Variants in RNGTT observed in about 807,000 individuals in gnomAD.
The protein encoded by RNGTT is mRNA-capping enzyme.
RNGTT carries 33 observed loss-of-function variants against 79.3 expected under a neutral mutation model. The observed-to-expected ratio is 0.42, with a 90% CI of 0.32 to 0.56. The LOEUF (loss-of-function observed/expected upper bound fraction) is 0.56. Among genes scored for constraint, RNGTT ranks in the 20% least tolerant of loss-of-function variants. The pLI, the probability that RNGTT is intolerant of heterozygous loss-of-function variation, is 0.17. For synonymous variants in RNGTT, 222 were observed against 235.9 expected (o/e 0.94, Z 0.54); for missense variants, 497 against 739.1 (o/e 0.67, Z 3.80).
chr6:88,663,142 C>T (rs1361868897), intron 14 of RNGTT, among the ~76,000 whole-genome samples: 1 of 152,054 alleles, frequency 6.6e-6, no homozygotes, highest in Non-Finnish European at 1.5e-5. Context: ...TTTTTCCCTT[C>T]CCCCTTTGTG....
chr6:88,680,703 T>C (rs775628870), intron 13 of RNGTT, among the ~76,000 whole-genome samples: 20 of 150,234 alleles, frequency 1.3e-4, no homozygotes, highest in African/African-American at 4.7e-4. Flanking sequence ...GATCACGCCA[T>C]TGCACTCCAG....
chr6:88,808,133 A>AT (rs756668793), intron 11 of RNGTT, among the ~76,000 whole-genome samples: 4 of 152,202 alleles, frequency 2.6e-5, no homozygotes, highest in Admixed American at 6.5e-5. Context: ...GGGCATTGGA[A>AT]TGGTTAAAAA....
At chr6:88,845,350 A>C (rs950307432) in intron 10 of RNGTT, among the ~76,000 whole-genome samples, 4 of 152,222 alleles carry the variant, frequency 2.6e-5, no homozygotes, top group Admixed American at 2.6e-4. Flanking sequence ...AATGTTCTTA[A>C]AGCATATATG....
At chr6:88,704,807 T>C (rs1490938436) in intron 13 of RNGTT, among the ~76,000 whole-genome samples, 1 of 152,014 alleles carries the variant, frequency 6.6e-6, no homozygotes, top group East Asian at 1.9e-4. Context: ...GGAGGAAAAC[T>C]AGGCCAAACT....
chr6:88,915,496 C>T (rs1783971083), intron 4 of RNGTT, among the ~76,000 whole-genome samples: 2 of 152,068 alleles, frequency 1.3e-5, no homozygotes, highest in South Asian at 4.1e-4. Context: ...GGCCATTATC[C>T]CAAGAGAATT....
chr6:88,754,732 C>A (rs915341201), intron 13 of RNGTT, among the ~76,000 whole-genome samples: 4 of 152,192 alleles, frequency 2.6e-5, no homozygotes, highest in African/African-American at 9.6e-5. Context: ...GGGAGGAAAA[C>A]CACTTAAAGG....
intron 13 of RNGTT, among the ~76,000 whole-genome samples, chr6:88,768,523 A>G (rs1048285095): frequency 3.9e-5 from 6 of 152,210 alleles, no homozygotes; most frequent in African/African-American, 1.4e-4. Flanking sequence ...TTGATAATGC[A>G]TAGTTTCTTA....
chr6:88,765,280 A>G (rs1195720356), intron 13 of RNGTT, among the ~76,000 whole-genome samples: 2 of 152,082 alleles, frequency 1.3e-5, no homozygotes, highest in East Asian at 1.9e-4. Flanking sequence ...TTTTCACAGC[A>G]AAGTGAGGCT....
At chr6:88,836,013 CACACACACACAT>C (rs1326152586) in intron 11 of RNGTT, among the ~76,000 whole-genome samples, 16 of 121,860 alleles carry the variant, frequency 1.3e-4, no homozygotes, top group Middle Eastern at 4.2e-3. Context: ...CACACACACA[CACACACACACAT>C]ATATATATAA....
chr6:88,755,066 T>C (rs1777964669), intron 13 of RNGTT, among the ~76,000 whole-genome samples: 1 of 152,076 alleles, frequency 6.6e-6, no homozygotes, highest in Non-Finnish European at 1.5e-5. Context: ...CGAGCTGGTC[T>C]TGGCAGAAAC....
intron 13 of RNGTT, among the ~76,000 whole-genome samples, chr6:88,739,730 TATATATATATA>T (rs1777409924): frequency 8.8e-4 from 11 of 12,534 alleles, no homozygotes; most frequent in African/African-American, 2.7e-3. Flanking sequence ...AAAAATTATA[TATATATATATA>T]TATATATATA....
At chr6:88,695,994 G>A (rs576979191) in intron 13 of RNGTT, among the ~76,000 whole-genome samples, 5 of 152,216 alleles carry the variant, frequency 3.3e-5, no homozygotes, top group African/African-American at 9.6e-5. Context: ...GTGACCAAAG[G>A]TTAGGGGATG....
At chr6:88,815,809 C>A (rs974843073) in intron 11 of RNGTT, among the ~76,000 whole-genome samples, 2 of 152,144 alleles carry the variant, frequency 1.3e-5, no homozygotes, top group South Asian at 4.1e-4. Context: ...TTGATGTCTC[C>A]GGATGAGGAC....
In RNGTT at chr6:88,814,173, T is replaced by A. The variant is rs560152245; in HGVS notation, c.1270-12541A>T. Among the ~76,000 whole-genome samples the A allele has an allele frequency of 2.5e-4, 38 of 152,052 alleles. 1 individual carries two copies. Among genetic ancestry groups the A allele is most frequent in the Admixed American group, 2.2e-3 (34 of 15,264 alleles). ...ACGTATTATGAAAGGGGTAAGATTTTAAAAAAAAGCTAAAGTCATCTCTCA... is the reference window on the plus strand; with the variant it reads ...ACGTATTATGAAAGGGGTAAGATTTAAAAAAAAAGCTAAAGTCATCTCTCA... On this transcript the variant is annotated intron_variant, in intron 11 of 15. Coordinates refer to ENST00000369485, the MANE Select transcript of RNGTT (RefSeq NM_003800.5).
chr6:88,661,357 C>T (rs1341721296), intron 14 of RNGTT, among the ~76,000 whole-genome samples: 1 of 151,728 alleles, frequency 6.6e-6, no homozygotes, highest in African/African-American at 2.4e-5. Flanking sequence ...AAAAGCAATA[C>T]AAAAGATAAA....
intron 14 of RNGTT, among the ~76,000 whole-genome samples, chr6:88,656,541 A>G (rs924862413): frequency 6.6e-6 from 1 of 152,130 alleles, no homozygotes; most frequent in African/African-American, 2.4e-5. Flanking sequence ...TTCACTTATT[A>G]TGGTTCACAA....
intron 14 of RNGTT, among the ~76,000 whole-genome samples, chr6:88,622,324 G>A (rs1317988773): frequency 1.3e-5 from 2 of 152,174 alleles, no homozygotes; most frequent in Middle Eastern, 3.4e-3. Context: ...CAAATATTTT[G>A]TGGATACTCA....
chr6:88,698,237 TATATATATGAAATATATATATAA>T (rs1775799161), intron 13 of RNGTT, among the ~76,000 whole-genome samples: 3 of 111,644 alleles, frequency 2.7e-5, no homozygotes, highest in South Asian at 2.5e-4. Flanking sequence ...ATATATGAAA[TATATATATGAAATATATATATAA>T]ATATATATGA....
intron 13 of RNGTT, among the ~76,000 whole-genome samples, chr6:88,715,793 T>C (rs1055872680): frequency 6.6e-6 from 1 of 152,230 alleles, no homozygotes. Context: ...ATCCCTTCCT[T>C]ACACCTTATA....
Sources: allele counts gnomAD v4.1 joint callset (sites outside exome capture counted in the v4.1 genomes callset), GRCh38; gene constraint gnomAD v4.1.1; transcripts MANE v1.5; gene names NCBI Gene and HGNC (gene_info 2026-07-23, HGNC 2026-07-21).